KCTD21: variants seen among roughly 807,000 people sequenced by gnomAD.
KCTD21 encodes the protein BTB/POZ domain-containing protein KCTD21.
KCTD21 carries 9 observed loss-of-function variants against 13.2 expected under a neutral mutation model. The ratio of observed to expected loss-of-function variants is 0.68; its 90% CI spans 0.41 to 1.19. The LOEUF is 1.19. KCTD21 is among the 50% of genes most tolerant of loss of function. The pLI, the probability that KCTD21 is intolerant of heterozygous loss-of-function variation, is 0.01. For missense variants in KCTD21, 303 were observed against 336.5 expected (o/e 0.90, Z 0.78); for synonymous variants, 142 against 137.4 (o/e 1.03, Z -0.23).
Position 78,174,333 on chromosome 11 carries a change from G to GCAGGTC in KCTD21, c.221_222insGACCTG (p.Phe74delinsLeuThrCys). 1 of 1,614,070 alleles carries GCAGGTC rather than the reference G, an allele frequency of 6.2e-7. No individual in the cohort carries two copies. Among genetic ancestry groups the GCAGGTC allele is most frequent in the East Asian group, 2.2e-5 (1 of 44,880 alleles). On this transcript the variant is annotated protein_altering_variant, in exon 2 of 2. Transcript: ENST00000340067. ...CCCTGCGGAGCAGCCCCATCTCCTG[G>GCAGGTC]AAGTCCTCAGGCAGGTCAAGGTGGG...
rs1276079902 is a variant in KCTD21, at chr11:78,172,197, T to G, written c.*1575A>C. On this transcript the variant is annotated 3_prime_UTR_variant, in exon 2 of 2. Transcript: ENST00000340067. The stretch of plus-strand genomic sequence containing the variant: ...GAGGCCTGCATGGCTCATCACCCGG[T>G]GGGAAGCAGTGCTTGGGTTGCTTGC... The G allele has an allele frequency of 6.6e-6, 1 of 152,300 alleles. No homozygotes were observed. The highest frequency in any genetic ancestry group is 1.5e-5 in the Non-Finnish European group (1 of 68,106). 9.4% of individuals were successfully genotyped at this position (152,300 alleles called of 1,614,324 possible).
At chr11:78,181,989 T>A (rs765993827) in intron 1 of KCTD21, among the ~76,000 whole-genome samples, 1 of 152,134 alleles carries the variant, frequency 6.6e-6, no homozygotes, top group Admixed American at 6.5e-5. Context: ...ACAAAACAAT[T>A]TTTTTTGGAA....
chr11:78,182,976 A>C (rs1246554024), intron 1 of KCTD21, among the ~76,000 whole-genome samples: 1 of 152,204 alleles, frequency 6.6e-6, no homozygotes, highest in Admixed American at 6.5e-5. Flanking sequence ...TGTAACAATA[A>C]ATGTACTGAG....
intron 1 of KCTD21, among the ~76,000 whole-genome samples, chr11:78,186,320 C>T (rs977447953): frequency 1.6e-5 from 2 of 128,038 alleles, no homozygotes; most frequent in African/African-American, 6.0e-5. Context: ...TGCAGCAAGC[C>T]GAGATCACGC....
At chr11:78,187,271 T>G (rs866794382) in intron 1 of KCTD21, 11 of 985,228 alleles carry the variant, frequency 1.1e-5, no homozygotes, top group South Asian at 4.7e-5. Flanking sequence ...CTTCACCTCC[T>G]CTTCCTGACC....
rs146620163 is a variant in KCTD21 at position 78,182,073 on chromosome 11, G to T, written c.-30+6500C>A. On this transcript the variant is annotated intron_variant, in intron 1 of 1. Coordinates refer to ENST00000340067, the MANE Select transcript of KCTD21 (RefSeq NM_001029859.3). ...CATAGTCACCGCCTTGCACTCAGGG[G>T]AGGGGTTGTGTGATACTGTGATATA... Among the ~76,000 whole-genome samples the T allele has an allele frequency of 3.7e-3, 571 of 152,324 alleles. 3 individuals carry two copies. The highest frequency in any genetic ancestry group is 0.013 in the African/African-American group (525 of 41,578).
intron 1 of KCTD21, chr11:78,187,865 C>A (rs1007520595): frequency 7.1e-6 from 7 of 985,266 alleles, no homozygotes; most frequent in Non-Finnish European, 7.2e-6. Flanking sequence ...AAAGCAAGGT[C>A]TTTGAAGTAA....
chr11:78,173,542 C>T lies in KCTD21; in HGVS notation c.*230G>A. The T allele has an allele frequency of 1.9e-6, 1 of 524,224 alleles. No individual in the cohort carries two copies. Among genetic ancestry groups the T allele is most frequent in the Non-Finnish European group, 3.4e-6 (1 of 293,362 alleles). The allele number at this position is 524,224 out of a possible 1,614,324, so 32.5% of individuals were successfully genotyped here. A position where few individuals can be genotyped will look rare whatever the true frequency, so the allele number is the denominator to read the frequency against. Reference sequence around the variant, plus strand: ...ACACATCAGCTGACTCTTCACTTGTCATAATAAACCGCCTGTCTGCAGCTC... The same window carrying T: ...ACACATCAGCTGACTCTTCACTTGTTATAATAAACCGCCTGTCTGCAGCTC... On this transcript the variant is annotated 3_prime_UTR_variant, in exon 2 of 2. Transcript: ENST00000340067.
intron 1 of KCTD21, among the ~76,000 whole-genome samples, chr11:78,181,184 G>T (rs635998): frequency 0.13 from 20,029 of 152,102 alleles, 1,404 homozygotes; most frequent in Non-Finnish European, 0.16. Context: ...TATTTATGCC[G>T]GAGAAATGGA....
In KCTD21 at chr11:78,173,282, T is replaced by A. The variant is rs540309551; in HGVS notation, c.*490A>T. The A allele has an allele frequency of 3.8e-4, 60 of 158,718 alleles. No homozygotes were observed. The highest frequency in any genetic ancestry group is 6.8e-4 in the Non-Finnish European group (49 of 71,658). 9.8% of individuals were successfully genotyped at this position (158,718 alleles called of 1,614,324 possible). On this transcript the variant is annotated 3_prime_UTR_variant, in exon 2 of 2. Coordinates refer to ENST00000340067, the MANE Select transcript of KCTD21 (RefSeq NM_001029859.3). Reference sequence around the variant, plus strand: ...AAACATGGTCACCCCTGGGCAAACATCCACGATCATGGATGCACCCTGGGG... The same window carrying A: ...AAACATGGTCACCCCTGGGCAAACAACCACGATCATGGATGCACCCTGGGG...
At chr11:78,185,412 G>T (rs1272623224) in intron 1 of KCTD21, among the ~76,000 whole-genome samples, 1 of 152,134 alleles carries the variant, frequency 6.6e-6, no homozygotes, top group Non-Finnish European at 1.5e-5. Flanking sequence ...GCCAGATTTA[G>T]TAAGTTACAG....
intron 1 of KCTD21, among the ~76,000 whole-genome samples, chr11:78,180,870 G>A (rs1372883988): frequency 1.3e-5 from 2 of 149,394 alleles, no homozygotes; most frequent in African/African-American, 5.0e-5. Flanking sequence ...TGAATCATTG[G>A]GGCGGTTTTC....
At chr11:78,188,283 C>T (rs1862869604) in intron 1 of KCTD21, 1 of 984,778 alleles carries the variant, frequency 1.0e-6, no homozygotes, top group Non-Finnish European at 1.2e-6. Context: ...CCCCACCCAC[C>T]AAGGACTCCT....
intron 1 of KCTD21, chr11:78,187,473 G>A: frequency 1.0e-6 from 1 of 985,344 alleles, no homozygotes; most frequent in African/African-American, 1.7e-5. Context: ...AGGAGACCAC[G>A]GAATCTGGCA....
chr11:78,179,843 T>C (rs1590878866), intron 1 of KCTD21, among the ~76,000 whole-genome samples: 1 of 151,898 alleles, frequency 6.6e-6, no homozygotes, highest in Non-Finnish European at 1.5e-5. Flanking sequence ...ATCACCTCTG[T>C]ACTACTGTCC....
chr11:78,188,597 T>G lies in KCTD21; in HGVS notation c.-54A>C, dbSNP rs1204011803. On this transcript the variant is annotated 5_prime_UTR_variant, in exon 1 of 2. Coordinates refer to ENST00000340067, the MANE Select transcript of KCTD21 (RefSeq NM_001029859.3). ...CCTCCTGCCCTCGCTCTGCAGCCTC[T>G]CCCTCCGCGAGCGGCCAGCGCAGCT... 1 of 985,420 alleles carries G rather than the reference T, an allele frequency of 1.0e-6. No homozygotes were observed. Among genetic ancestry groups the G allele is most frequent in the African/African-American group, 1.7e-5 (1 of 57,310 alleles). The allele number at this position is 985,420 out of a possible 1,614,324, so 61.0% of individuals were successfully genotyped here.
intron 1 of KCTD21, chr11:78,187,401 G>A (rs1862815894): frequency 2.0e-6 from 2 of 985,380 alleles, no homozygotes; most frequent in African/African-American, 1.7e-5. Context: ...GTGCTTCCTA[G>A]ACACAGGGAC....
At chr11:78,187,063 G>A (rs1322772039) in intron 1 of KCTD21, 1 of 985,280 alleles carries the variant, frequency 1.0e-6, no homozygotes, top group Non-Finnish European at 1.2e-6. Flanking sequence ...ATGTGACAAG[G>A]CCGAGGTGAT....
rs1862345929 is a variant in KCTD21 at position 78,173,549 on chromosome 11, A to C, written c.*223T>G. The stretch of plus-strand genomic sequence containing the variant: ...AGCTGACTCTTCACTTGTCATAATA[A>C]ACCGCCTGTCTGCAGCTCAAAATGG... On this transcript the variant is annotated 3_prime_UTR_variant, in exon 2 of 2. Coordinates refer to ENST00000340067, the MANE Select transcript of KCTD21 (RefSeq NM_001029859.3). 1.9e-6 allele frequency: 1 copy of C among 538,508 alleles called. No homozygotes were observed. Among genetic ancestry groups the C allele is most frequent in the Non-Finnish European group, 3.3e-6 (1 of 302,120 alleles). The allele number at this position is 538,508 out of a possible 1,614,324, so 33.4% of individuals were successfully genotyped here. A position where few individuals can be genotyped will look rare whatever the true frequency, so the allele number is the denominator to read the frequency against.
Sources: allele counts gnomAD v4.1 joint callset (sites outside exome capture counted in the v4.1 genomes callset), GRCh38; gene constraint gnomAD v4.1.1; transcripts MANE v1.5; gene names NCBI Gene and HGNC (gene_info 2026-07-23, HGNC 2026-07-21).